The following TMEM192 variants were observed in gnomAD, a reference collection of about 807,000 sequenced individuals.
TMEM192 encodes the protein transmembrane protein 192.
A neutral mutation model predicts 26.7 loss-of-function variants in TMEM192; 20 were observed. That is an observed-to-expected ratio of 0.75 (90% CI 0.53 to 1.09). TMEM192 has a LOEUF of 1.09. Ranked by LOEUF, TMEM192 falls within the 50% of genes least tolerant of loss-of-function variation. The probability of loss-of-function intolerance (pLI) is 0.00; values close to 1 mark genes in which losing one functional copy is unlikely to be tolerated. For synonymous variants in TMEM192, 124 were observed against 121.0 expected (o/e 1.02, Z -0.16); for missense variants, 304 against 322.6 (o/e 0.94, Z 0.44).
intron 3 of TMEM192, among the ~76,000 whole-genome samples, chr4:165,091,267 CA>C (rs200156409): frequency 2.7e-5 from 4 of 147,976 alleles, no homozygotes; most frequent in East Asian, 2.0e-4. Context: ...GACTCCATTT[CA>C]AAAAAAAAAT....
At position 165,071,980 on chromosome 4, in the gene TMEM192, T is replaced by G. The variant is rs1734281385; in HGVS notation, c.*7678A>C. The G allele has an allele frequency of 6.6e-6, 1 of 152,282 alleles. No individual in the cohort carries two copies. The highest frequency in any genetic ancestry group is 2.4e-5 in the African/African-American group (1 of 41,414). 9.4% of individuals were successfully genotyped at this position (152,282 alleles called of 1,614,324 possible). A position where few individuals can be genotyped will look rare whatever the true frequency, so the allele number is the denominator to read the frequency against. On this transcript the variant is annotated 3_prime_UTR_variant, in exon 6 of 6. Transcript: ENST00000306480. ...CTTATAGGCCAGGTGTGGTGGCTCA[T>G]GCCTGTAATCCCAGTACTTTGGGAG...
chr4:165,079,742 G>T lies in TMEM192; in HGVS notation c.732C>A (p.Tyr244Ter). ...IVEKQGDTIE[Y>*]LKRHNALLSK... is the part of the protein sequence containing the mutation. The stretch of plus-strand genomic sequence containing the variant: ...TCAGCAGCGCATTGTGTCGCTTCAG[G>T]TATTCAATGGTGTCTCCTTGCTTTT... Residue 244 changes from tyrosine (Y) to a stop codon, truncating the protein, a stop_gained, in exon 6 of 6, where the codon TAC becomes TAA. Coordinates refer to ENST00000306480, the MANE Select transcript of TMEM192 (RefSeq NM_001100389.2). LOFTEE classifies it low-confidence loss of function (END_TRUNC). The T allele has an allele frequency of 6.2e-7, 1 of 1,613,954 alleles. No individual in the cohort carries two copies. The highest frequency in any genetic ancestry group is 8.5e-7 in the Non-Finnish European group (1 of 1,179,928).
At position 165,078,469 on chromosome 4, in the gene TMEM192, T is replaced by C. The variant is rs1734439159; in HGVS notation, c.*1189A>G. 1 of 152,250 alleles carries C rather than the reference T, an allele frequency of 6.6e-6. No homozygotes were observed. Among genetic ancestry groups the C allele is most frequent in the African/African-American group, 2.4e-5 (1 of 41,480 alleles). 9.4% of individuals were successfully genotyped at this position (152,250 alleles called of 1,614,324 possible). ...TGTTTAATATCTGCATATAACTTAATATGCATTTCTTCCATTACAATTTTT... is the reference window on the plus strand; with the variant it reads ...TGTTTAATATCTGCATATAACTTAACATGCATTTCTTCCATTACAATTTTT... On this transcript the variant is annotated 3_prime_UTR_variant, in exon 6 of 6. Coordinates refer to ENST00000306480, the MANE Select transcript of TMEM192 (RefSeq NM_001100389.2).
intron 3 of TMEM192, 39 bp downstream of exon 3, chr4:165,100,589 C>T: frequency 6.3e-7 from 1 of 1,576,650 alleles, no homozygotes; most frequent in Non-Finnish European, 8.6e-7. Context: ...CATTTTTGTC[C>T]CTCAAGCACC....
chr4:165,101,530 C>A (rs901463724), intron 2 of TMEM192, among the ~76,000 whole-genome samples: 4 of 151,942 alleles, frequency 2.6e-5, no homozygotes, highest in Non-Finnish European at 5.9e-5. Context: ...CCATGCCTGG[C>A]CAATTTTAAG....
chr4:165,085,678 C>A lies in TMEM192; in HGVS notation c.585G>T (p.Arg195=), dbSNP rs202163114. ...ICLLIYTVKI[R]RFNKAKPEPD... is the part of the protein sequence containing the mutation. ...GCTCTGGTTTAGCTTTATTAAATCT[C>A]CGGATTTTCACTAAAATAATAAAGT... Residue 195 remains arginine (R), a synonymous_variant, in exon 5 of 6, where the codon CGG becomes CGT. Coordinates refer to ENST00000306480, the MANE Select transcript of TMEM192 (RefSeq NM_001100389.2). The A allele has an allele frequency of 4.6e-3, 7,383 of 1,599,676 alleles. 26 individuals are homozygous for A. The highest frequency in any genetic ancestry group is 5.9e-3 in the Non-Finnish European group (6,882 of 1,172,962).
At chr4:165,091,546 G>T (rs1734764834) in intron 3 of TMEM192, among the ~76,000 whole-genome samples, 1 of 152,126 alleles carries the variant, frequency 6.6e-6, no homozygotes. Context: ...TAGAAAAGCA[G>T]TTTTTTCAGA....
intron 1 of TMEM192, among the ~76,000 whole-genome samples, chr4:165,104,043 G>C (rs950385747): frequency 6.6e-6 from 1 of 152,104 alleles, no homozygotes; most frequent in Non-Finnish European, 1.5e-5. Flanking sequence ...GAATCACTTG[G>C]ACCCAGGAGG....
chr4:165,112,617 G>T, intron 1 of TMEM192, 130 bp downstream of exon 1: 1 of 1,378,638 alleles, frequency 7.3e-7, no homozygotes, highest in African/African-American at 1.5e-5. Context: ...CCCGGGCACA[G>T]GCGGCGCCCC....
Position 165,109,162 on chromosome 4 carries a change from C to T in TMEM192, c.27+3585G>A, listed in dbSNP as rs183147305. Among the ~76,000 whole-genome samples the T allele has an allele frequency of 1.5e-3, 222 of 152,254 alleles. 5 individuals carry two copies. The South Asian group carries it at 0.029, about 20-fold the overall frequency. ...CTTACATCTGTATCTGTATCATAAC[C>T]TACCATACTAAGCACATGGCATTGA... On this transcript the variant is annotated intron_variant, in intron 1 of 5. Coordinates refer to ENST00000306480, the MANE Select transcript of TMEM192 (RefSeq NM_001100389.2).
chr4:165,088,672 T>A, intron 3 of TMEM192, 70 bp from the exon 4 acceptor site: 1 of 1,450,006 alleles, frequency 6.9e-7, no homozygotes, highest in Non-Finnish European at 9.3e-7. Context: ...CAATAGATAG[T>A]TGGTCTTTGT....
intron 2 of TMEM192, 45 bp from the exon 3 acceptor site, chr4:165,100,937 T>C (rs1338527480): frequency 6.6e-7 from 1 of 1,523,046 alleles, no homozygotes; most frequent in Non-Finnish European, 8.8e-7. Context: ...ATATTTGTAA[T>C]TAGGAAGCAA....
chr4:165,084,957 T>C (rs892003825), intron 5 of TMEM192, among the ~76,000 whole-genome samples: 1 of 150,784 alleles, frequency 6.6e-6, no homozygotes, highest in African/African-American at 2.4e-5. Context: ...GCCTGGGCAA[T>C]ACAGAGAGAC....
Position 165,071,610 on chromosome 4 carries a change from A to C in TMEM192, c.*8048T>G, listed in dbSNP as rs1412063370. 1.3e-5 allele frequency: 2 copies of C among 152,256 alleles called. No individual in the cohort carries two copies. Among genetic ancestry groups the C allele is most frequent in the East Asian group, 3.9e-4 (2 of 5,190 alleles). 9.4% of individuals were successfully genotyped at this position (152,256 alleles called of 1,614,324 possible). On this transcript the variant is annotated 3_prime_UTR_variant, in exon 6 of 6. Coordinates refer to ENST00000306480, the MANE Select transcript of TMEM192 (RefSeq NM_001100389.2). ...ACCTGGCCACAAGTGACATTTGAACAAAGACTTGAAAAAGATATATGGGAG... is the reference window on the plus strand; with the variant it reads ...ACCTGGCCACAAGTGACATTTGAACCAAGACTTGAAAAAGATATATGGGAG...
chr4:165,085,459 G>T, intron 5 of TMEM192, 127 bp downstream of exon 5: 1 of 668,658 alleles, frequency 1.5e-6, no homozygotes, highest in Non-Finnish European at 2.5e-6. Context: ...CACCACAGCT[G>T]AAAGGAAATA....
At position 165,079,404 on chromosome 4, in the gene TMEM192, C is replaced by T. The variant is rs1388532298; in HGVS notation, c.*254G>A. ...GCCTCTGATCCTAGGATAAACCAAG[C>T]AGTTAAATAATTTCCAAAAGTACAA... is the stretch of plus-strand genomic sequence containing the variant. On this transcript the variant is annotated 3_prime_UTR_variant, in exon 6 of 6. Transcript: ENST00000306480. The T allele has an allele frequency of 5.2e-6, 2 of 385,728 alleles. No individual in the cohort carries two copies. The highest frequency in any genetic ancestry group is 4.4e-5 in the Admixed American group (1 of 22,580). 23.9% of individuals were successfully genotyped at this position (385,728 alleles called of 1,614,324 possible).
chr4:165,103,248 T>C (rs1735085903), intron 1 of TMEM192, 152 bp from the exon 2 acceptor site: 1 of 432,024 alleles, frequency 2.3e-6, no homozygotes, highest in Admixed American at 4.7e-5. Flanking sequence ...TAAAAATTAA[T>C]TATTAATTTA....
chr4:165,100,162 CTT>C (rs35075062), intron 3 of TMEM192, among the ~76,000 whole-genome samples: 15 of 134,706 alleles, frequency 1.1e-4, no homozygotes, highest in Admixed American at 1.5e-4. Flanking sequence ...AATAAAAGTT[CTT>C]TTTTTTTTTT....
chr4:165,110,757 T>C (rs552586930), intron 1 of TMEM192, among the ~76,000 whole-genome samples: 7 of 152,376 alleles, frequency 4.6e-5, no homozygotes, highest in Admixed American at 1.3e-4. Context: ...GGGTAGACCC[T>C]GAAAGGACTC....
Sources: gnomAD v4.1 joint callset for allele counts (sites outside exome capture counted in the v4.1 genomes callset) on GRCh38, gnomAD v4.1.1 for gene constraint, MANE v1.5 for transcripts, NCBI Gene and HGNC (gene_info 2026-07-23, HGNC 2026-07-21) for gene names.